The following SHQ1 variants were observed in gnomAD, a reference collection of about 807,000 sequenced individuals.
The protein encoded by SHQ1 is SHQ1, H/ACA ribonucleoprotein assembly factor.
A neutral mutation model predicts 53.8 loss-of-function variants in SHQ1; 49 were observed. The ratio of observed to expected loss-of-function variants is 0.91; its 90% CI spans 0.72 to 1.16. SHQ1 has a LOEUF of 1.16. Among genes scored for constraint, SHQ1 ranks in the 50% most tolerant of loss-of-function variants. SHQ1 has a pLI of 0.00. For missense variants in SHQ1, 738 were observed against 683.1 expected (o/e 1.08, Z -0.90); for synonymous variants, 243 against 251.0 (o/e 0.97, Z 0.30).
intron 4 of SHQ1, among the ~76,000 whole-genome samples, chr3:72,838,596 G>C (rs1243743848): frequency 6.6e-6 from 1 of 152,170 alleles, no homozygotes; most frequent in Admixed American, 6.5e-5. Flanking sequence ...CTGCCTCCTG[G>C]GTTCAAGCGA....
rs1439752561 is a variant in SHQ1, at chr3:72,842,358, A to G, written c.253T>C (p.Phe85Leu). Reference sequence around the variant, plus strand: ...GCAGTTAACATGTTCAGCCCCTCAAAATGCTGGCCAGGGGTTTCTTTGGGC... The same window carrying G: ...GCAGTTAACATGTTCAGCCCCTCAAGATGCTGGCCAGGGGTTTCTTTGGGC... ...RLPKETPGQHFEGLNMLTALL... is the reference protein window; with the variant it reads ...RLPKETPGQHLEGLNMLTALL... Residue 85 changes from phenylalanine (F) to leucine (L), a missense_variant, in exon 3 of 11, where the codon TTT (phenylalanine) becomes CTT (leucine). Coordinates refer to ENST00000325599, the MANE Select transcript of SHQ1 (RefSeq NM_018130.3). 1 of 1,613,658 alleles carries G rather than the reference A, an allele frequency of 6.2e-7. No individual in the cohort carries two copies. The highest frequency in any genetic ancestry group is 1.3e-5 in the African/African-American group (1 of 74,896).
chr3:72,802,674 C>A (rs1706824224), intron 9 of SHQ1, among the ~76,000 whole-genome samples: 1 of 152,134 alleles, frequency 6.6e-6, no homozygotes, highest in African/African-American at 2.4e-5. Flanking sequence ...CTAAATCCTA[C>A]ACATTCTTTA....
At chr3:72,777,507 C>G (rs1705983024) in intron 10 of SHQ1, among the ~76,000 whole-genome samples, 1 of 152,172 alleles carries the variant, frequency 6.6e-6, no homozygotes, top group African/African-American at 2.4e-5. Flanking sequence ...TATTTCATAC[C>G]CCTTCAGATT....
At chr3:72,741,294 A>T in the SHQ1 span, among the ~76,000 whole-genome samples, 14 of 152,130 alleles carry the variant, frequency 9.2e-5, no homozygotes, top group Non-Finnish European at 1.8e-4. Context: ...CTACAGAAGG[A>T]GTGAGAGGAG....
intron 9 of SHQ1, chr3:72,795,322 A>C (rs1014705763): frequency 6.6e-6 from 1 of 152,264 alleles, no homozygotes. Flanking sequence ...ATGGCTTATC[A>C]AAGTGGCACA....
chr3:72,831,500 T>C (rs1009678897), intron 5 of SHQ1, among the ~76,000 whole-genome samples: 1 of 152,206 alleles, frequency 6.6e-6, no homozygotes, highest in African/African-American at 2.4e-5. Flanking sequence ...AATAATCACA[T>C]GAGTGCACTT....
the SHQ1 span, among the ~76,000 whole-genome samples, chr3:72,743,610 G>A: frequency 1.3e-5 from 2 of 152,206 alleles, no homozygotes; most frequent in East Asian, 3.8e-4. Context: ...CAACACGGCC[G>A]ATGCTAGGTG....
At chr3:72,746,510 C>T (rs537989943), downstream of SHQ1, among the ~76,000 whole-genome samples, 1 of 152,292 alleles carries the variant, frequency 6.6e-6, no homozygotes, top group South Asian at 2.1e-4. Context: ...CGTGATATAA[C>T]AAAGCTTCAA....
At chr3:72,795,415 G>T (rs927277912) in intron 9 of SHQ1, 2 of 152,188 alleles carry the variant, frequency 1.3e-5, no homozygotes, top group Non-Finnish European at 2.9e-5. Context: ...TGAGAGCAGG[G>T]TTTGATGAAA....
At chr3:72,807,247 A>T (rs569238919) in intron 9 of SHQ1, among the ~76,000 whole-genome samples, 3 of 152,210 alleles carry the variant, frequency 2.0e-5, no homozygotes, top group African/African-American at 7.2e-5. Context: ...CACTCTCCAT[A>T]TTTCTCTTTT....
intron 10 of SHQ1, among the ~76,000 whole-genome samples, chr3:72,755,309 T>C (rs757049924): frequency 8.5e-5 from 13 of 152,074 alleles, no homozygotes; most frequent in Non-Finnish European, 1.6e-4. Flanking sequence ...GATAGATGGA[T>C]GGATGATAGA....
intron 6 of SHQ1, among the ~76,000 whole-genome samples, chr3:72,817,720 A>C (rs1458626707): frequency 6.6e-6 from 1 of 152,196 alleles, no homozygotes; most frequent in South Asian, 2.1e-4. Flanking sequence ...TTGACAACAG[A>C]AAGTGCTAAA....
chr3:72,749,280 T>C lies in SHQ1; in HGVS notation c.*1004A>G. 1 of 223,452 alleles carries C rather than the reference T, an allele frequency of 4.5e-6. No individual in the cohort carries two copies. Among genetic ancestry groups the C allele is most frequent in the East Asian group, 6.4e-5 (1 of 15,552 alleles). 13.8% of individuals were successfully genotyped at this position (223,452 alleles called of 1,614,324 possible). A position where few individuals can be genotyped will look rare whatever the true frequency, so the allele number is the denominator to read the frequency against. On this transcript the variant is annotated 3_prime_UTR_variant, in exon 11 of 11. Coordinates refer to ENST00000325599, the MANE Select transcript of SHQ1 (RefSeq NM_018130.3). Reference sequence around the variant, plus strand: ...AAGCATACGTCCACATGAAGACTTGTACACAAATGTTCATAACAGCTTTAT... The same window carrying C: ...AAGCATACGTCCACATGAAGACTTGCACACAAATGTTCATAACAGCTTTAT...
rs1345725803 is a variant in SHQ1 at position 72,750,485 on chromosome 3, T to G, written c.1533A>C (p.Arg511Ser). 1 of 1,614,224 alleles carries G rather than the reference T, an allele frequency of 6.2e-7. No individual in the cohort carries two copies. The highest frequency in any genetic ancestry group is 1.1e-5 in the South Asian group (1 of 91,088). The change falls in exon 11 of 11, where the codon AGA becomes AGC. Residue 511 changes from arginine (R) to serine (S), a missense_variant. By Grantham distance (110) the Arg-to-Ser change is moderately radical. Transcript: ENST00000325599. Reference protein sequence around the residue: ...AFLIVDGGVRRNTAIQESDAS... With the variant: ...AFLIVDGGVRSNTAIQESDAS... ...CATCAGACTCCTGGATGGCTGTGTT[T>G]CTGCGTACTCCACCATCAACAATAA...
rs36082106 is a variant in SHQ1 at position 72,824,787 on chromosome 3, C to CTTTT, written c.600-240_600-237dup. ...AAGGGATATATAACATTGCTGATCT[C>CTTTT]TTTTTTTTTTTTTTTTAACTTTTTT... On this transcript the variant is annotated intron_variant, in intron 5 of 10. Coordinates refer to ENST00000325599, the MANE Select transcript of SHQ1 (RefSeq NM_018130.3). Among the ~76,000 whole-genome samples the CTTTT allele has an allele frequency of 6.1e-3, 870 of 142,768 alleles. 12 individuals carry two copies. Among genetic ancestry groups the CTTTT allele is most frequent in the African/African-American group, 0.021 (807 of 38,424 alleles). 93.7% of individuals were successfully genotyped at this position (142,768 alleles called of 152,430 possible).
At chr3:72,843,948 C>T (rs191918330) in intron 2 of SHQ1, among the ~76,000 whole-genome samples, 1 of 152,176 alleles carries the variant, frequency 6.6e-6, no homozygotes, top group Non-Finnish European at 1.5e-5. Flanking sequence ...TTAAATGCCA[C>T]CCATGCATAG....
chr3:72,751,144 C>T (rs1361329317), intron 10 of SHQ1, among the ~76,000 whole-genome samples: 1 of 152,174 alleles, frequency 6.6e-6, no homozygotes, highest in Non-Finnish European at 1.5e-5. Flanking sequence ...GGCACAGTGG[C>T]TCACGCCTGT....
intron 10 of SHQ1, chr3:72,753,686 C>A: frequency 1.0e-6 from 1 of 957,292 alleles, no homozygotes; most frequent in Non-Finnish European, 1.2e-6. Flanking sequence ...AGAGGAAAAC[C>A]AAGGTGAGAT....
At chr3:72,834,619 T>G (rs1488002323) in intron 4 of SHQ1, among the ~76,000 whole-genome samples, 13 of 152,228 alleles carry the variant, frequency 8.5e-5, no homozygotes. Context: ...GATTACTGGC[T>G]GTCTCCAAAC....
Sources: allele counts gnomAD v4.1 joint callset (sites outside exome capture counted in the v4.1 genomes callset), GRCh38; gene constraint gnomAD v4.1.1; transcripts MANE v1.5; gene names NCBI Gene and HGNC (gene_info 2026-07-23, HGNC 2026-07-21).